Variants in ENPP6 observed in about 807,000 individuals in gnomAD.
ENPP6 encodes the protein ectonucleotide pyrophosphatase/phosphodiesterase 6, also known as glycerophosphocholine cholinephosphodiesterase ENPP6.
ENPP6 carries 32 observed loss-of-function variants against 42.0 expected under a neutral mutation model. The ratio of observed to expected loss-of-function variants is 0.76; its 90% CI spans 0.58 to 1.02. ENPP6 has a LOEUF of 1.02. Ranked by LOEUF, ENPP6 falls within the 50% of genes least tolerant of loss-of-function variation. The pLI is 0.00. For synonymous variants in ENPP6, 213 were observed against 216.0 expected, an observed-to-expected ratio of 0.99 and a Z score of 0.12; for missense variants, 552 against 566.8, an observed-to-expected ratio of 0.97 and a Z score of 0.27.
chr4:184,176,749 G>T (rs1328888011), intron 1 of ENPP6, among the ~76,000 whole-genome samples: 1 of 152,060 alleles, frequency 6.6e-6, no homozygotes, highest in Non-Finnish European at 1.5e-5. Context: ...ATTAGCACAG[G>T]ACCATGAAAA....
chr4:184,114,243 G>A (rs1242709647), intron 5 of ENPP6, among the ~76,000 whole-genome samples: 1 of 152,166 alleles, frequency 6.6e-6, no homozygotes, highest in African/African-American at 2.4e-5. Context: ...TGGGATTACA[G>A]GCGTCAGCCA....
At chr4:184,122,720 A>G (rs962963479) in intron 3 of ENPP6, among the ~76,000 whole-genome samples, 2 of 152,194 alleles carry the variant, frequency 1.3e-5, no homozygotes, top group Admixed American at 1.3e-4. Context: ...TGAATGCAAA[A>G]AGGATGACAT....
At chr4:184,103,188 C>T (rs1212368863) in intron 6 of ENPP6, among the ~76,000 whole-genome samples, 3 of 152,238 alleles carry the variant, frequency 2.0e-5, no homozygotes, top group African/African-American at 7.2e-5. Context: ...ACAGGTGCTT[C>T]ATTCTCAAAG....
intron 4 of ENPP6, 38 bp downstream of exon 4, chr4:184,117,719 CAG>C: frequency 1.2e-6 from 2 of 1,606,254 alleles, no homozygotes; most frequent in South Asian, 2.2e-5. Context: ...CAGAGGGTGA[CAG>C]AGAGAAGGCC....
chr4:184,201,168 C>T (rs1438442879), intron 1 of ENPP6, among the ~76,000 whole-genome samples: 1 of 152,170 alleles, frequency 6.6e-6, no homozygotes, highest in Non-Finnish European at 1.5e-5. Context: ...ATCGTGTGGA[C>T]ACAATGGACC....
chr4:184,147,651 C>A (rs1736950643), intron 2 of ENPP6, among the ~76,000 whole-genome samples: 1 of 151,646 alleles, frequency 6.6e-6, no homozygotes, highest in Admixed American at 6.6e-5. Context: ...ACGTAAAAAA[C>A]TTAGCAGGGT....
chr4:184,160,026 C>T (rs1737235732), intron 1 of ENPP6, among the ~76,000 whole-genome samples: 1 of 152,118 alleles, frequency 6.6e-6, no homozygotes. Context: ...TGTATATATA[C>T]CACATTTTCT....
chr4:184,201,811 C>T (rs1016752212), intron 1 of ENPP6, among the ~76,000 whole-genome samples: 4 of 151,950 alleles, frequency 2.6e-5, no homozygotes, highest in African/African-American at 9.7e-5. Context: ...CTGGACACCT[C>T]GCCTACCATG....
At chr4:184,121,667 C>A (rs1736418223) in intron 3 of ENPP6, among the ~76,000 whole-genome samples, 1 of 152,214 alleles carries the variant, frequency 6.6e-6, no homozygotes, top group African/African-American at 2.4e-5. Flanking sequence ...AATAAGCCTA[C>A]ATCTTTGCTA....
intron 1 of ENPP6, among the ~76,000 whole-genome samples, chr4:184,202,742 C>T (rs1373964156): frequency 2.6e-5 from 4 of 152,170 alleles, no homozygotes; most frequent in Non-Finnish European, 2.9e-5. Context: ...CTCAAGGCCA[C>T]GCACATGAGT....
At chr4:184,131,262 TCCTTC>T (rs1560987512) in intron 2 of ENPP6, among the ~76,000 whole-genome samples, 2 of 57,632 alleles carry the variant, frequency 3.5e-5, no homozygotes, top group African/African-American at 1.8e-4. Flanking sequence ...CTCTTTCTCT[TCCTTC>T]CTTCCTTCCT....
chr4:184,214,779 A>G (rs1321426856), intron 1 of ENPP6, among the ~76,000 whole-genome samples: 1 of 152,206 alleles, frequency 6.6e-6, no homozygotes, highest in Non-Finnish European at 1.5e-5. Context: ...GGAGTTGAAC[A>G]ATGAGAACAC....
At chr4:184,167,037 C>T (rs1405290945) in intron 1 of ENPP6, among the ~76,000 whole-genome samples, 1 of 152,210 alleles carries the variant, frequency 6.6e-6, no homozygotes, top group East Asian at 1.9e-4. Context: ...CGCAGCTGCC[C>T]CACCTGTGCC....
chr4:184,131,796 A>AACACACACACAC (rs140275578), intron 2 of ENPP6, among the ~76,000 whole-genome samples: 2,557 of 140,464 alleles, frequency 0.018, 41 homozygotes, highest in African/African-American at 0.046. Flanking sequence ...GGACCAATAG[A>AACACACACACAC]ACACACACAC....
intron 1 of ENPP6, among the ~76,000 whole-genome samples, chr4:184,201,642 T>G (rs1247708889): frequency 6.6e-6 from 1 of 152,156 alleles, no homozygotes; most frequent in Admixed American, 6.5e-5. Context: ...AAACATACTT[T>G]TTGAAAAGTG....
In ENPP6 at chr4:184,153,573, G is replaced by A. The variant is rs1475597286; in HGVS notation, c.402C>T (p.Val134=). 2 of 1,613,924 alleles carry A rather than the reference G, an allele frequency of 1.2e-6. No individual in the cohort carries two copies. The highest frequency in any genetic ancestry group is 1.7e-6 in the Non-Finnish European group (2 of 1,179,956). The part of the protein sequence containing the change: ...WVTLTKAKRK[V]YMYYWPGCEV... Reference sequence around the variant, plus strand: ...ACTCACCTGGCCAGTAGTACATGTAGACCTTCCTTTTGGCCTTGGTCAGAG... The same window carrying A: ...ACTCACCTGGCCAGTAGTACATGTAAACCTTCCTTTTGGCCTTGGTCAGAG... The change falls in exon 2 of 8, where the codon GTC becomes GTT. Residue 134 remains valine, a synonymous_variant. Coordinates refer to ENST00000296741, the MANE Select transcript of ENPP6 (RefSeq NM_153343.4).
rs528217932 is a variant in ENPP6 at position 184,119,099 on chromosome 4, T to G, written c.534-1199A>C. Among the ~76,000 whole-genome samples the G allele has an allele frequency of 1.5e-3, 229 of 152,362 alleles. 1 individual carries two copies. In the Middle Eastern group the frequency reaches 0.024, roughly 16 times the overall value. ...CAGTGCCATGGTGAGCACTGTCTAA[T>G]AAGCTTGCTTGAGTCACCAGACTGA... On this transcript the variant is annotated intron_variant, in intron 3 of 7. Transcript: ENST00000296741.
intron 2 of ENPP6, among the ~76,000 whole-genome samples, chr4:184,142,501 G>T (rs112473383): frequency 8.1e-6 from 1 of 123,594 alleles, no homozygotes; most frequent in African/African-American, 2.5e-5. Context: ...CCTTGCCCAC[G>T]GGGCTGGGGG....
chr4:184,104,500 T>C (rs947616112), intron 6 of ENPP6, among the ~76,000 whole-genome samples: 8 of 152,212 alleles, frequency 5.3e-5, no homozygotes, highest in Admixed American at 4.6e-4. Context: ...AAATGGACAC[T>C]GTCCAGGAGA....
Sources: allele counts gnomAD v4.1 joint callset (sites outside exome capture counted in the v4.1 genomes callset), GRCh38; gene constraint gnomAD v4.1.1; transcripts MANE v1.5; gene names NCBI Gene and HGNC (gene_info 2026-07-23, HGNC 2026-07-21).